Variants in CCDC30 observed in about 807,000 individuals in gnomAD.
The protein encoded by CCDC30 is coiled-coil domain-containing protein 30.
In CCDC30, 70 loss-of-function variants were observed where a neutral mutation model predicts 100.2. That is an observed-to-expected ratio of 0.70 (90% CI 0.58 to 0.85). The LOEUF is 0.85. Ranked by LOEUF, CCDC30 falls within the 40% of genes least tolerant of loss-of-function variation. The pLI is 0.00. For missense variants in CCDC30, 652 were observed against 771.2 expected, an observed-to-expected ratio of 0.85 and a Z score of 1.83; for synonymous variants, 233 against 269.5, an observed-to-expected ratio of 0.86 and a Z score of 1.33.
At chr1:42,482,559 ATT>A (rs1643979171) in intron 2 of CCDC30, 102 bp from the exon 3 acceptor site, 2 of 596,884 alleles carry the variant, frequency 3.4e-6, no homozygotes, top group Admixed American at 8.8e-5. Context: ...ACACATAGAT[ATT>A]GTTTGCTAAT....
intron 6 of CCDC30, among the ~76,000 whole-genome samples, chr1:42,543,790 T>G (rs7513162): frequency 6.6e-6 from 1 of 152,034 alleles, no homozygotes; most frequent in Non-Finnish European, 1.5e-5. Context: ...ATATGAGATT[T>G]TATGGATTTT....
intron 1 of CCDC30, among the ~76,000 whole-genome samples, chr1:42,477,662 C>T (rs1206520602): frequency 6.6e-6 from 1 of 152,214 alleles, no homozygotes; most frequent in African/African-American, 2.4e-5. Flanking sequence ...ATGCATCCCA[C>T]ATTCTTCAAA....
At chr1:42,526,116 G>T (rs769106760) in intron 6 of CCDC30, among the ~76,000 whole-genome samples, 5 of 152,088 alleles carry the variant, frequency 3.3e-5, no homozygotes, top group Non-Finnish European at 7.4e-5. Flanking sequence ...AGATTGCTAT[G>T]CTCTATACAG....
chr1:42,592,611 G>C (rs72953756), intron 10 of CCDC30: 1 of 152,194 alleles, frequency 6.6e-6, no homozygotes, highest in Non-Finnish European at 1.5e-5. Flanking sequence ...TATTCAGGAG[G>C]CTGAGGTGGG....
intron 6 of CCDC30, among the ~76,000 whole-genome samples, chr1:42,512,604 T>C (rs1390508428): frequency 6.6e-6 from 1 of 152,164 alleles, no homozygotes; most frequent in Non-Finnish European, 1.5e-5. Context: ...ATAGGAGACA[T>C]GGCAACCATG....
chr1:42,602,076 A>G (rs1646414437), intron 10 of CCDC30, among the ~76,000 whole-genome samples: 1 of 152,226 alleles, frequency 6.6e-6, no homozygotes, highest in Non-Finnish European at 1.5e-5. Flanking sequence ...AGCAGAATGG[A>G]TAAAGTAGAA....
chr1:42,640,603 T>C (rs902729172), intron 12 of CCDC30, among the ~76,000 whole-genome samples: 2 of 152,160 alleles, frequency 1.3e-5, no homozygotes, highest in East Asian at 3.8e-4. Flanking sequence ...TCTTTAATAA[T>C]AGATGGATGG....
At chr1:42,583,336 A>T (rs1047481540) in intron 9 of CCDC30, among the ~76,000 whole-genome samples, 2 of 152,350 alleles carry the variant, frequency 1.3e-5, no homozygotes, top group Non-Finnish European at 2.9e-5. Flanking sequence ...TTTTGTGAAG[A>T]TTTGCTAAGA....
intron 10 of CCDC30, among the ~76,000 whole-genome samples, chr1:42,603,423 G>A (rs1248065076): frequency 3.3e-5 from 5 of 152,222 alleles, no homozygotes; most frequent in South Asian, 2.1e-4. Context: ...ATTTTGGAGG[G>A]AACACCATCA....
intron 6 of CCDC30, among the ~76,000 whole-genome samples, chr1:42,565,493 C>G (rs1645586593): frequency 6.6e-6 from 1 of 152,152 alleles, no homozygotes; most frequent in Admixed American, 6.5e-5. Context: ...TGAAATATCA[C>G]CTCACACCTA....
chr1:42,497,268 A>G lies in CCDC30; in HGVS notation c.357+55A>G, dbSNP rs1258779375. On this transcript the variant is annotated intron_variant, in intron 5 of 16. Coordinates refer to ENST00000668663, the Ensembl canonical transcript of CCDC30. ...TTAAATGTGTCTACCATAACAATCA[A>G]CAGCATAAGCAACACAGGTATACAA... 1.4e-5 allele frequency: 14 copies of G among 1,034,622 alleles called. 1 individual carries two copies. Among genetic ancestry groups the G allele is most frequent in the Non-Finnish European group, 1.7e-5 (14 of 806,140 alleles). 64.1% of individuals were successfully genotyped at this position (1,034,622 alleles called of 1,614,324 possible).
chr1:42,479,554 T>C (rs1367651611), intron 1 of CCDC30, among the ~76,000 whole-genome samples: 1 of 131,132 alleles, frequency 7.6e-6, no homozygotes, highest in African/African-American at 2.9e-5. Context: ...CAATTAGATA[T>C]AGACATATGC....
In CCDC30 at chr1:42,589,306, A is replaced by G; in HGVS notation, c.1002-15A>G. ...CAATTCATGGTGTGATTTAATCTAC[A>G]TTAATTGCCCTCAGGAAACTTCTAT... is the stretch of plus-strand genomic sequence containing the variant. On this transcript the variant is annotated splice_polypyrimidine_tract_variant and intron_variant, in intron 9 of 16. Transcript: ENST00000668663. 1 of 1,573,316 alleles carries G rather than the reference A, an allele frequency of 6.4e-7. No individual in the cohort carries two copies. The highest frequency in any genetic ancestry group is 1.2e-5 in the South Asian group (1 of 83,954).
chr1:42,546,758 A>C (rs954053503), intron 6 of CCDC30, among the ~76,000 whole-genome samples: 1 of 151,866 alleles, frequency 6.6e-6, no homozygotes, highest in African/African-American at 2.4e-5. Context: ...TTGCCCTCTA[A>C]AGGTACTTCT....
intron 6 of CCDC30, among the ~76,000 whole-genome samples, chr1:42,535,631 G>T (rs1409453885): frequency 4.4e-5 from 4 of 91,212 alleles, no homozygotes; most frequent in Admixed American, 1.4e-4. Flanking sequence ...AGGCCGAGGT[G>T]AGTGGATCGC....
chr1:42,495,069 C>A (rs75916166), intron 4 of CCDC30, among the ~76,000 whole-genome samples: 1,680 of 143,050 alleles, frequency 0.012, 19 homozygotes, highest in African/African-American at 0.04. Flanking sequence ...ATGTTTATTG[C>A]GGCACTATTC....
chr1:42,616,408 G>A (rs975339441), intron 11 of CCDC30, among the ~76,000 whole-genome samples: 4 of 152,168 alleles, frequency 2.6e-5, no homozygotes, highest in Non-Finnish European at 5.9e-5. Flanking sequence ...TGATTCTAAT[G>A]TGCATCCGAG....
At chr1:42,629,736 A>T (rs1270866659) in intron 11 of CCDC30, among the ~76,000 whole-genome samples, 1 of 151,526 alleles carries the variant, frequency 6.6e-6, no homozygotes, top group African/African-American at 2.4e-5. Flanking sequence ...GGTTCAAGCA[A>T]TTCTTCTGCC....
chr1:42,540,676 T>TACACACAC lies in CCDC30; in HGVS notation c.457-25610_457-25603dup, dbSNP rs60125557. ...ACACACACACACACACACATACACATACACACACACACACACAGTTTTTTA... is the reference window on the plus strand; with the variant it reads ...ACACACACACACACACACATACACATACACACACACACACACACACACACAGTTTTTTA... On this transcript the variant is annotated intron_variant, in intron 6 of 16. Coordinates refer to ENST00000668663, the Ensembl canonical transcript of CCDC30. Among the ~76,000 whole-genome samples, 1,121 of 150,436 alleles carry TACACACAC rather than the reference T, an allele frequency of 7.5e-3. 16 individuals carry two copies. Among genetic ancestry groups the TACACACAC allele is most frequent in the African/African-American group, 0.026 (1,051 of 41,056 alleles).
Sources: allele counts gnomAD v4.1 joint callset (sites outside exome capture counted in the v4.1 genomes callset), GRCh38; gene constraint gnomAD v4.1.1; transcripts MANE v1.5; gene names NCBI Gene and HGNC (gene_info 2026-07-23, HGNC 2026-07-21).